PRRC2B: variants seen among roughly 807,000 people sequenced by gnomAD.
PRRC2B encodes proline rich coiled-coil 2B.
A neutral mutation model predicts 242.3 loss-of-function variants in PRRC2B; 68 were observed. The ratio of observed to expected loss-of-function variants is 0.28; its 90% CI spans 0.23 to 0.34. PRRC2B has a LOEUF of 0.34. Ranked by LOEUF, PRRC2B falls within the 10% of genes least tolerant of loss-of-function variation. The probability of loss-of-function intolerance (pLI) is 1.00; values close to 1 mark genes in which losing one functional copy is unlikely to be tolerated. For missense variants in PRRC2B, 2,835 were observed against 2,954.8 expected, an observed-to-expected ratio of 0.96 and a Z score of 0.94; for synonymous variants, 1,228 against 1,173.6, an observed-to-expected ratio of 1.05 and a Z score of -0.95.
Position 131,404,257 on chromosome 9 carries a change from C to A in PRRC2B, c.-52+9994C>A, listed in dbSNP as rs1312151967. On this transcript the variant is annotated intron_variant, in intron 1 of 31. Transcript: ENST00000683519. ...TTTTGGTGGTGGGGACAGAGTTTTGCTTGTTGCCCAGGAAGGCAATGGCGT... is the reference window on the plus strand; with the variant it reads ...TTTTGGTGGTGGGGACAGAGTTTTGATTGTTGCCCAGGAAGGCAATGGCGT... Among the ~76,000 whole-genome samples the A allele has an allele frequency of 7.5e-5, 10 of 133,220 alleles. No homozygotes were observed. The East Asian group carries it at 2.1e-3, about 29-fold the overall frequency. The allele number at this position is 133,220 out of a possible 152,430, so 87.4% of individuals were successfully genotyped here. A position where few individuals can be genotyped will look rare whatever the true frequency, so the allele number is the denominator to read the frequency against.
intron 25 of PRRC2B, among the ~76,000 whole-genome samples, chr9:131,485,501 C>G (rs752440790): frequency 6.6e-6 from 1 of 152,198 alleles, no homozygotes; most frequent in Non-Finnish European, 1.5e-5. Flanking sequence ...CATGAAACTC[C>G]GTGGGGTGGC....
Position 131,495,868 on chromosome 9 carries a change from G to A in PRRC2B, c.6684G>A (p.Lys2228=). The A allele has an allele frequency of 1.2e-6, 2 of 1,602,576 alleles. No individual in the cohort carries two copies. The highest frequency in any genetic ancestry group is 1.7e-6 in the Non-Finnish European group (2 of 1,170,744). ...GGGCTGTCAAAGTGGAGGAGAGTAA[G>A]GCCTGACAGTGCCTGGCTGCCACCT... ...KPRAVKVEES[K]A is the part of the protein sequence containing the mutation. Residue 2228 remains lysine (K), a synonymous_variant, in exon 32 of 32, where the codon AAG becomes AAA. Coordinates refer to ENST00000683519, the MANE Select transcript of PRRC2B (RefSeq NM_013318.4).
At chr9:131,401,348 C>G (rs1415867534) in intron 1 of PRRC2B, among the ~76,000 whole-genome samples, 1 of 151,684 alleles carries the variant, frequency 6.6e-6, no homozygotes, top group African/African-American at 2.4e-5. Flanking sequence ...CCTCCCCCAT[C>G]CAGTGGCGGC....
intron 10 of PRRC2B, among the ~76,000 whole-genome samples, chr9:131,458,038 T>C (rs1369331791): frequency 6.6e-6 from 1 of 152,128 alleles, no homozygotes; most frequent in Non-Finnish European, 1.5e-5. Flanking sequence ...ATTGCTTCCA[T>C]TGTGAGGCGT....
rs1042938436 is a variant in PRRC2B, at chr9:131,483,340, G to A, written c.5374-19G>A. 1 of 1,611,392 alleles carries A rather than the reference G, an allele frequency of 6.2e-7. No homozygotes were observed. The highest frequency in any genetic ancestry group is 8.5e-7 in the Non-Finnish European group (1 of 1,177,536). ...CAGGAGGATCTCAGTGGGCTGTGTGGCCTTTTTTATTTTTTCAGGACTCCG... is the reference window on the plus strand; with the variant it reads ...CAGGAGGATCTCAGTGGGCTGTGTGACCTTTTTTATTTTTTCAGGACTCCG... On this transcript the variant is annotated intron_variant, in intron 22 of 31. Coordinates refer to ENST00000683519, the MANE Select transcript of PRRC2B (RefSeq NM_013318.4).
Position 131,475,981 on chromosome 9 carries a change from A to C in PRRC2B, c.3852A>C (p.Gln1284His). The C allele has an allele frequency of 1.2e-6, 2 of 1,610,090 alleles. No individual in the cohort carries two copies. Among genetic ancestry groups the C allele is most frequent in the African/African-American group, 2.7e-5 (2 of 74,988 alleles). The change falls in exon 16 of 32, where the codon CAA (glutamine) becomes CAC (histidine). Residue 1284 changes from glutamine to histidine, a missense_variant. Physicochemically the swap from Gln to His is conservative, Grantham distance 24. Transcript: ENST00000683519. The stretch of plus-strand genomic sequence containing the variant: ...CGGAGGACAAGAGATCCTTCTTCCA[A>C]GATGAACACGTGGCAGATTCTGAAA... ...SRAEDKRSFF[Q>H]DEHVADSENA...
Position 131,410,585 on chromosome 9 carries a change from C to T in PRRC2B, c.-52+16322C>T, listed in dbSNP as rs117956151. Reference sequence around the variant, plus strand: ...GGTTCAGATTTTTTAGACTCACTAACTGGATGATAGTGACCTTGAACTAGT... The same window carrying T: ...GGTTCAGATTTTTTAGACTCACTAATTGGATGATAGTGACCTTGAACTAGT... On this transcript the variant is annotated intron_variant, in intron 1 of 31. Coordinates refer to ENST00000683519, the MANE Select transcript of PRRC2B (RefSeq NM_013318.4). 6.0e-3 allele frequency among the ~76,000 whole-genome samples: 917 copies of T among 152,372 alleles called. 9 individuals carry two copies. Among genetic ancestry groups the T allele is most frequent in the Middle Eastern group, 0.02 (6 of 294 alleles).
chr9:131,454,330 A>G (rs767396536), intron 9 of PRRC2B, among the ~76,000 whole-genome samples: 32 of 152,342 alleles, frequency 2.1e-4, no homozygotes, highest in Non-Finnish European at 4.1e-4. Context: ...GGCAAGTGGT[A>G]ACTCACAAAT....
intron 4 of PRRC2B, among the ~76,000 whole-genome samples, chr9:131,438,743 A>C (rs947475472): frequency 7.3e-5 from 11 of 151,590 alleles, no homozygotes; most frequent in African/African-American, 2.4e-4. Context: ...GAAGCTGGTC[A>C]CTCCCCAAAT....
chr9:131,400,220 A>C (rs1040469627), intron 1 of PRRC2B, among the ~76,000 whole-genome samples: 1 of 151,870 alleles, frequency 6.6e-6, no homozygotes, highest in African/African-American at 2.4e-5. Flanking sequence ...AGTAGCTGGG[A>C]TCCTATAGGC....
At chr9:131,394,732 C>T (rs764080250) in intron 1 of PRRC2B, among the ~76,000 whole-genome samples, 25 of 151,582 alleles carry the variant, frequency 1.6e-4, no homozygotes, top group Non-Finnish European at 2.7e-4. Flanking sequence ...CCTGCGGGGT[C>T]GGGCCTTGGG....
intron 1 of PRRC2B, among the ~76,000 whole-genome samples, chr9:131,417,013 C>CT (rs1837677013): frequency 6.6e-6 from 1 of 152,082 alleles, no homozygotes; most frequent in Non-Finnish European, 1.5e-5. Flanking sequence ...TGGTGTCTGT[C>CT]TTTTAGTTGG....
intron 6 of PRRC2B, among the ~76,000 whole-genome samples, chr9:131,445,865 G>A (rs182298652): frequency 9.7e-4 from 147 of 152,300 alleles, no homozygotes; most frequent in African/African-American, 3.4e-3. Flanking sequence ...GCAGGTTTCC[G>A]TCTGTGAGCT....
At chr9:131,376,626 GA>G (rs1207761168) in intron 1 of PRRC2B, among the ~76,000 whole-genome samples, 10 of 152,180 alleles carry the variant, frequency 6.6e-5, no homozygotes. Context: ...AACACAACTG[GA>G]AGTGGGAGTG....
rs2131447082 is a variant in PRRC2B at position 131,475,677 on chromosome 9, G to T, written c.3548G>T (p.Gly1183Val). 3.1e-6 allele frequency: 5 copies of T among 1,612,224 alleles called. No individual in the cohort carries two copies. The South Asian group carries it at 5.5e-5, about 18-fold the overall frequency. Reference protein sequence around the residue: ...DCRDSWRSNKGCSEDHSGLDA... With the variant: ...DCRDSWRSNKVCSEDHSGLDA... ...AGAGATTCTTGGCGGTCCAACAAGG[G>T]GTGCTCTGAGGACCACAGCGGTCTA... Residue 1183 changes from glycine (G) to valine (V), a missense_variant, in exon 16 of 32, where the codon GGG becomes GTG. Gly to Val is a moderately radical substitution (Grantham distance 109). This residue lies in a region of PRRC2B where 1,536 missense variants were observed against 1,483.1 expected (regional missense o/e 1.04). Coordinates refer to ENST00000683519, the MANE Select transcript of PRRC2B (RefSeq NM_013318.4).
chr9:131,406,539 C>T (rs1026123383), intron 1 of PRRC2B, among the ~76,000 whole-genome samples: 2 of 152,190 alleles, frequency 1.3e-5, no homozygotes, highest in African/African-American at 4.8e-5. Flanking sequence ...GTGTTCCTTT[C>T]AGCCACTTAG....
At chr9:131,455,941 C>T (rs901487013) in intron 10 of PRRC2B, among the ~76,000 whole-genome samples, 5 of 151,970 alleles carry the variant, frequency 3.3e-5, no homozygotes, top group Non-Finnish European at 7.4e-5. Flanking sequence ...GGTGAAACCC[C>T]GTCTCTACTA....
At chr9:131,480,406 G>A (rs1588277189) in intron 19 of PRRC2B, among the ~76,000 whole-genome samples, 3 of 152,206 alleles carry the variant, frequency 2.0e-5, no homozygotes, top group Admixed American at 2.0e-4. Context: ...AGTGACAGGT[G>A]TCATAGTATT....
chr9:131,431,776 C>G (rs1588246772), intron 2 of PRRC2B, among the ~76,000 whole-genome samples: 1 of 150,286 alleles, frequency 6.7e-6, no homozygotes, highest in Non-Finnish European at 1.5e-5. Flanking sequence ...TTAGTAGAGA[C>G]AGGGTTTCAC....
Sources: gnomAD v4.1 joint callset for allele counts (sites outside exome capture counted in the v4.1 genomes callset) on GRCh38, gnomAD v4.1.1 for gene constraint, gnomAD v4.1.1 regional missense constraint, MANE v1.5 for transcripts, NCBI Gene and HGNC (gene_info 2026-07-23, HGNC 2026-07-21) for gene names.